The following DOCK3 variants were observed in gnomAD, a reference collection of about 807,000 sequenced individuals.
The protein encoded by DOCK3 is dedicator of cytokinesis 3, also known as dedicator of cytokinesis protein 3.
In DOCK3, 60 loss-of-function variants were observed where a neutral mutation model predicts 265.6. The ratio of observed to expected loss-of-function variants is 0.23; its 90% CI spans 0.18 to 0.28. The LOEUF (loss-of-function observed/expected upper bound fraction) is 0.28. Ranked by LOEUF, DOCK3 falls within the 10% of genes least tolerant of loss-of-function variation. The pLI, the probability that DOCK3 is intolerant of heterozygous loss-of-function variation, is 1.00. For synonymous variants in DOCK3, 881 were observed against 938.0 expected (o/e 0.94, Z 1.11); for missense variants, 1,981 against 2,594.3 (o/e 0.76, Z 5.14).
intron 40 of DOCK3, among the ~76,000 whole-genome samples, chr3:51,354,220 A>ACCCCCC (rs144722987): frequency 1.5e-5 from 2 of 129,364 alleles, no homozygotes; most frequent in Admixed American, 8.3e-5. Context: ...CTTGATCACC[A>ACCCCCC]CCCCCCCCCC....
intron 1 of DOCK3, among the ~76,000 whole-genome samples, chr3:50,768,578 A>C (rs1451667057): frequency 1.3e-5 from 2 of 152,220 alleles, no homozygotes; most frequent in Admixed American, 6.5e-5. Flanking sequence ...AAACCACATG[A>C]TTATCTCAAT....
At chr3:50,701,740 C>T (rs1334108301) in intron 1 of DOCK3, among the ~76,000 whole-genome samples, 3 of 152,100 alleles carry the variant, frequency 2.0e-5, no homozygotes, top group Admixed American at 2.0e-4. Flanking sequence ...TTGATTTTTG[C>T]GTATGGTGAG....
chr3:51,355,365 G>A (rs1264033584), intron 41 of DOCK3, among the ~76,000 whole-genome samples: 4 of 152,182 alleles, frequency 2.6e-5, no homozygotes, highest in African/African-American at 4.8e-5. Context: ...GGGTGACTTG[G>A]GGTCCTATCA....
chr3:51,328,225 G>A (rs1175528567), intron 32 of DOCK3, among the ~76,000 whole-genome samples: 1 of 152,116 alleles, frequency 6.6e-6, no homozygotes, highest in African/African-American at 2.4e-5. Flanking sequence ...TGTTTACACT[G>A]TTGTACTCTC....
intron 9 of DOCK3, among the ~76,000 whole-genome samples, chr3:51,092,151 G>T (rs1378543096): frequency 1.3e-5 from 2 of 152,206 alleles, no homozygotes; most frequent in African/African-American, 4.8e-5. Flanking sequence ...TGGAACGCCA[G>T]TGATACAGAA....
At chr3:51,242,294 A>G (rs140578617) in intron 21 of DOCK3, among the ~76,000 whole-genome samples, 38 of 152,190 alleles carry the variant, frequency 2.5e-4, no homozygotes, top group Non-Finnish European at 4.4e-4. Flanking sequence ...AATCCACTGT[A>G]CTGGGTAGGC....
At chr3:51,287,964 A>C (rs115833476) in intron 27 of DOCK3, among the ~76,000 whole-genome samples, 3,673 of 152,356 alleles carry the variant, frequency 0.024, 131 homozygotes, top group African/African-American at 0.082. Context: ...ATTTTAAAAG[A>C]ACGAGATCAT....
At chr3:50,925,308 A>G (rs1324702791) in intron 4 of DOCK3, among the ~76,000 whole-genome samples, 4 of 152,218 alleles carry the variant, frequency 2.6e-5, no homozygotes, top group Non-Finnish European at 5.9e-5. Context: ...TATTCTTGCA[A>G]GTAGTATTTT....
At chr3:50,788,582 C>T (rs1025893727) in intron 2 of DOCK3, among the ~76,000 whole-genome samples, 1 of 152,356 alleles carries the variant, frequency 6.6e-6, no homozygotes, top group East Asian at 1.9e-4. Flanking sequence ...CTTGGCAGTC[C>T]TTCCCTGCAG....
chr3:51,060,408 A>G (rs377422544), intron 5 of DOCK3, among the ~76,000 whole-genome samples: 2 of 152,004 alleles, frequency 1.3e-5, no homozygotes, highest in Admixed American at 6.5e-5. Context: ...ATTAGATCCC[A>G]TTTGTCAATT....
In DOCK3 at chr3:51,357,079, A is replaced by T. The variant is rs1200203136; in HGVS notation, c.4621A>T (p.Ser1541Cys). ...KQVHGNINLLSMCLNGVIDAA... is the reference protein window; with the variant it reads ...KQVHGNINLLCMCLNGVIDAA... Reference sequence around the variant, plus strand: ...GGTGCATGGCAACATTAACCTGCTAAGCATGTGCCTGAATGGTGTCATTGA... The same window carrying T: ...GGTGCATGGCAACATTAACCTGCTATGCATGTGCCTGAATGGTGTCATTGA... Residue 1541 changes from serine to cysteine, a missense_variant, in exon 44 of 53, where the codon AGC (serine) becomes TGC (cysteine). Coordinates refer to ENST00000266037, the MANE Select transcript of DOCK3 (RefSeq NM_004947.5). 1.2e-6 allele frequency: 2 copies of T among 1,613,116 alleles called. No homozygotes were observed. The highest frequency in any genetic ancestry group is 1.3e-5 in the African/African-American group (1 of 75,042).
rs782611394 is a variant in DOCK3, at chr3:51,381,017, G to A, written c.5584-33G>A. 1.9e-6 allele frequency: 3 copies of A among 1,550,000 alleles called. No individual in the cohort carries two copies. Among genetic ancestry groups the A allele is most frequent in the African/African-American group, 2.7e-5 (2 of 74,038 alleles). The stretch of plus-strand genomic sequence containing the variant: ...GGGCAAGTCAGCCTGTCTGGAGAGA[G>A]GGATTCTAACATGCCCACCCTTTCC... On this transcript the variant is annotated intron_variant, in intron 52 of 52. Transcript: ENST00000266037. This position sits in a 1 kb window ranked among gnomAD's most constrained non-coding sequence, Gnocchi z 5.6.
chr3:51,056,752 A>G (rs143444929), intron 5 of DOCK3, among the ~76,000 whole-genome samples: 103 of 152,322 alleles, frequency 6.8e-4, no homozygotes, highest in African/African-American at 2.4e-3. Flanking sequence ...CAAGTTCTTA[A>G]TGGTTAATTT....
At chr3:50,752,784 CAA>C (rs2039917183) in intron 1 of DOCK3, among the ~76,000 whole-genome samples, 1 of 152,090 alleles carries the variant, frequency 6.6e-6, no homozygotes, top group Non-Finnish European at 1.5e-5. Flanking sequence ...TCAAAACAAA[CAA>C]ACAAACACCC....
intron 9 of DOCK3, among the ~76,000 whole-genome samples, chr3:51,144,121 C>A (rs949809490): frequency 6.6e-6 from 1 of 152,132 alleles, no homozygotes; most frequent in East Asian, 1.9e-4. Flanking sequence ...CCCCTTGATA[C>A]CTTTATTTGA....
At chr3:50,814,224 C>T (rs952311838) in intron 2 of DOCK3, among the ~76,000 whole-genome samples, 2 of 151,972 alleles carry the variant, frequency 1.3e-5, no homozygotes, top group African/African-American at 4.8e-5. Context: ...TATATTTTTC[C>T]ATAACCATGA....
chr3:51,055,749 T>A (rs1210809316), intron 5 of DOCK3, among the ~76,000 whole-genome samples: 2 of 68,066 alleles, frequency 2.9e-5, no homozygotes, highest in Non-Finnish European at 8.7e-5. Context: ...CATTGTCATA[T>A]CTCTAATATT....
At chr3:50,847,203 G>T (rs937865254) in intron 3 of DOCK3, among the ~76,000 whole-genome samples, 1 of 151,880 alleles carries the variant, frequency 6.6e-6, no homozygotes, top group African/African-American at 2.4e-5. Context: ...AGAGTTTTTT[G>T]ATTTCTGCCT....
intron 5 of DOCK3, among the ~76,000 whole-genome samples, chr3:51,061,769 A>T (rs2081419310): frequency 6.6e-6 from 1 of 151,618 alleles, no homozygotes; most frequent in Non-Finnish European, 1.5e-5. Context: ...CATGACACAT[A>T]CTCTCCTGCT....
Sources: gnomAD v4.1 joint callset for allele counts (sites outside exome capture counted in the v4.1 genomes callset) on GRCh38, gnomAD v4.1.1 for gene constraint, Gnocchi (gnomAD v3.1) non-coding constraint, MANE v1.5 for transcripts, NCBI Gene and HGNC (gene_info 2026-07-23, HGNC 2026-07-21) for gene names.